Variants in ZNF267 observed in about 807,000 individuals in gnomAD.
ZNF267 encodes zinc finger protein 267.
ZNF267 carries 61 observed loss-of-function variants against 71.6 expected under a neutral mutation model. The observed-to-expected ratio is 0.85, with a 90% CI of 0.69 to 1.05. The LOEUF (loss-of-function observed/expected upper bound fraction) is 1.05, where lower values mean the gene tolerates loss of function less well. Ranked by LOEUF, ZNF267 falls within the 50% of genes least tolerant of loss-of-function variation. ZNF267 has a pLI of 0.00. For missense variants in ZNF267, 852 were observed against 870.0 expected (o/e 0.98, Z 0.26); for synonymous variants, 288 against 293.2 (o/e 0.98, Z 0.18).
chr16:31,914,338 A>G, intron 3 of ZNF267, 138 bp from the exon 4 acceptor site: 4 of 737,410 alleles, frequency 5.4e-6, no homozygotes, highest in Non-Finnish European at 8.4e-6. Flanking sequence ...TTGTATATCA[A>G]TTGAGAAAAC....
intron 3 of ZNF267, among the ~76,000 whole-genome samples, chr16:31,906,220 A>C (rs2084088879): frequency 6.7e-6 from 1 of 150,314 alleles, no homozygotes; most frequent in African/African-American, 2.4e-5. Flanking sequence ...CAGATAGGCT[A>C]GTCAGGGACC....
chr16:31,879,039 T>C (rs541879725), intron 1 of ZNF267, among the ~76,000 whole-genome samples: 10 of 152,348 alleles, frequency 6.6e-5, no homozygotes, highest in African/African-American at 1.9e-4. Context: ...AACAGCTAAA[T>C]AGGCCATTTG....
At chr16:31,886,917 A>AT (rs542076125) in intron 3 of ZNF267, among the ~76,000 whole-genome samples, 309 of 152,018 alleles carry the variant, frequency 2.0e-3, no homozygotes, top group African/African-American at 6.8e-3. Flanking sequence ...ACTATTTTTA[A>AT]TTTTTTTTGA....
chr16:31,901,951 A>T (rs960183248), intron 3 of ZNF267, among the ~76,000 whole-genome samples: 1 of 152,180 alleles, frequency 6.6e-6, no homozygotes, highest in East Asian at 1.9e-4. Context: ...TTTTTAATCC[A>T]TCTTGAATTA....
chr16:31,891,246 C>T (rs977360886), intron 3 of ZNF267, among the ~76,000 whole-genome samples: 1 of 152,140 alleles, frequency 6.6e-6, no homozygotes, highest in Non-Finnish European at 1.5e-5. Context: ...CATTTTATTA[C>T]TGTATATGTT....
chr16:31,902,252 G>T (rs2084047481), intron 3 of ZNF267, among the ~76,000 whole-genome samples: 1 of 152,040 alleles, frequency 6.6e-6, no homozygotes, highest in African/African-American at 2.4e-5. Context: ...TGTTCTTTTG[G>T]CTTAGGATTG....
chr16:31,891,256 TA>T (rs1596619170), intron 3 of ZNF267, among the ~76,000 whole-genome samples: 1 of 152,222 alleles, frequency 6.6e-6, no homozygotes, highest in East Asian at 1.9e-4. Context: ...CTGTATATGT[TA>T]TACTTTATAA....
At chr16:31,874,263 C>A in intron 1 of ZNF267, 1 of 390,286 alleles carries the variant, frequency 2.6e-6, no homozygotes, top group South Asian at 4.3e-5. Flanking sequence ...CCAGATTGTG[C>A]GGTGAGGACG....
chr16:31,885,509 G>T (rs2083918385), intron 3 of ZNF267, among the ~76,000 whole-genome samples: 1 of 152,232 alleles, frequency 6.6e-6, no homozygotes, highest in African/African-American at 2.4e-5. Context: ...CCCTTGGCCT[G>T]TGAGGGCCTG....
rs1460781408 is a variant in ZNF267, at chr16:31,915,017, T to C, written c.768T>C (p.Ser256=). 1.2e-6 allele frequency: 2 copies of C among 1,609,866 alleles called. No homozygotes were observed. The highest frequency in any genetic ancestry group is 8.5e-7 in the Non-Finnish European group (1 of 1,178,930). ...CKEFEEVFLQ[S]MHGQEKQEQS... ...AATTTGAGGAAGTCTTTCTTCAGAG[T>C]ATGCATGGGCAAGAGAAACAAGAAC... Residue 256 remains serine (S), a synonymous_variant, in exon 4 of 4, where the codon AGT becomes AGC. Transcript: ENST00000300870.
At chr16:31,908,367 T>C (rs2084108551) in intron 3 of ZNF267, among the ~76,000 whole-genome samples, 1 of 152,224 alleles carries the variant, frequency 6.6e-6, no homozygotes, top group Non-Finnish European at 1.5e-5. Flanking sequence ...TTCACTTTAT[T>C]GAGTATTTCC....
chr16:31,878,354 C>G (rs996025316), intron 1 of ZNF267, among the ~76,000 whole-genome samples: 1 of 152,128 alleles, frequency 6.6e-6, no homozygotes, highest in Non-Finnish European at 1.5e-5. Flanking sequence ...ACCCCCTCCC[C>G]GACCCAGCTG....
chr16:31,884,376 A>G, intron 1 of ZNF267, 122 bp from the exon 2 acceptor site: 1 of 1,223,868 alleles, frequency 8.2e-7, no homozygotes, highest in Admixed American at 2.3e-5. Flanking sequence ...GTTAAAAATG[A>G]TCTTACTGAA....
intron 2 of ZNF267, 44 bp downstream of exon 2, chr16:31,884,668 T>C: frequency 6.4e-7 from 1 of 1,572,020 alleles, no homozygotes; most frequent in Non-Finnish European, 8.6e-7. Flanking sequence ...CTAAGAGTTT[T>C]ATTTTCTTTT....
chr16:31,916,790 G>C lies in ZNF267; in HGVS notation c.*309G>C, dbSNP rs1198488466. 4.2e-6 allele frequency: 1 copy of C among 235,652 alleles called. No individual in the cohort carries two copies. Among genetic ancestry groups the C allele is most frequent in the African/African-American group, 2.3e-5 (1 of 43,780 alleles). The allele number at this position is 235,652 out of a possible 1,614,324, so 14.6% of individuals were successfully genotyped here. On this transcript the variant is annotated 3_prime_UTR_variant, in exon 4 of 4. Coordinates refer to ENST00000300870, the MANE Select transcript of ZNF267 (RefSeq NM_003414.6). Reference sequence around the variant, plus strand: ...CTTATGAGTCACCTAGGGGTTCATAGAAAAAGGAAGTTTGCAGATGCAATA... The same window carrying C: ...CTTATGAGTCACCTAGGGGTTCATACAAAAAGGAAGTTTGCAGATGCAATA...
intron 3 of ZNF267, among the ~76,000 whole-genome samples, chr16:31,889,226 T>G (rs544445761): frequency 7.9e-5 from 12 of 151,680 alleles, no homozygotes; most frequent in African/African-American, 2.9e-4. Context: ...TTTTAATGAC[T>G]CAGTTTTTTG....
At chr16:31,885,859 C>T (rs1011323569) in intron 3 of ZNF267, among the ~76,000 whole-genome samples, 34 of 152,076 alleles carry the variant, frequency 2.2e-4, no homozygotes, top group African/African-American at 8.0e-4. Context: ...CTCACCTGAA[C>T]TAAGATGAGA....
chr16:31,916,130 T>C lies in ZNF267; in HGVS notation c.1881T>C (p.Thr627=), dbSNP rs528122923. The change falls in exon 4 of 4, where the codon ACT becomes ACC. Residue 627 remains threonine, a synonymous_variant. Coordinates refer to ENST00000300870, the MANE Select transcript of ZNF267 (RefSeq NM_003414.6). ...SDVIQHRRIH[T]GQRPYKCEEC... ...TTATTCAGCATCGGAGAATTCATAC[T>C]GGCCAGAGACCCTACAAATGTGAAG... 1.2e-6 allele frequency: 2 copies of C among 1,614,186 alleles called. No individual in the cohort carries two copies. Among genetic ancestry groups the C allele is most frequent in the South Asian group, 2.2e-5 (2 of 91,084 alleles).
In ZNF267 at chr16:31,915,158, T is replaced by A; in HGVS notation, c.909T>A (p.Asp303Glu). ...ATAGCTATAACAAATATGATAAAGA[T>A]CTTAGTCAGTCATCAAATCTTAGAA... is the stretch of plus-strand genomic sequence containing the variant. Reference protein sequence around the residue: ...NSYSYNKYDKDLSQSSNLRKQ... With the variant: ...NSYSYNKYDKELSQSSNLRKQ... The change falls in exon 4 of 4, where the codon GAT becomes GAA. Residue 303 changes from aspartate (D) to glutamate (E), a missense_variant. Coordinates refer to ENST00000300870, the MANE Select transcript of ZNF267 (RefSeq NM_003414.6). 6.2e-7 allele frequency: 1 copy of A among 1,612,952 alleles called. No homozygotes were observed. Among genetic ancestry groups the A allele is most frequent in the Non-Finnish European group, 8.5e-7 (1 of 1,179,652 alleles).
Sources: gnomAD v4.1 joint callset for allele counts (sites outside exome capture counted in the v4.1 genomes callset) on GRCh38, gnomAD v4.1.1 for gene constraint, MANE v1.5 for transcripts, NCBI Gene and HGNC (gene_info 2026-07-23, HGNC 2026-07-21) for gene names.